Variants in AGO1 observed in about 807,000 individuals in gnomAD.
AGO1 encodes argonaute RISC component 1.
AGO1 carries 11 observed loss-of-function variants against 109.2 expected under a neutral mutation model. The observed-to-expected ratio is 0.10, with a 90% confidence interval of 0.06 to 0.17. AGO1 has a LOEUF of 0.17. Among genes scored for constraint, AGO1 ranks in the 10% least tolerant of loss-of-function variants. AGO1 has a pLI of 1.00. For synonymous variants in AGO1, 422 were observed against 418.6 expected (o/e 1.01, Z -0.10); for missense variants, 574 against 1,140.3 (o/e 0.50, Z 7.15).
chr1:35,916,062 A>G (rs1338738353), intron 15 of AGO1, among the ~76,000 whole-genome samples: 1 of 151,536 alleles, frequency 6.6e-6, no homozygotes, highest in Non-Finnish European at 1.5e-5. Flanking sequence ...CTGAACTGGT[A>G]TCCTTGACTA....
chr1:35,888,350 GA>G lies in AGO1; in HGVS notation c.26-76del, dbSNP rs1421010410. On this transcript the variant is annotated intron_variant, in intron 1 of 18. Coordinates refer to ENST00000373204, the MANE Select transcript of AGO1 (RefSeq NM_012199.5). This position sits in a 1 kb window ranked among gnomAD's most constrained non-coding sequence, Gnocchi z 4.1. ...CTATACTCTCGTGTTCCTGTTCTGGGAGGCCTTGTTCCTCCTCTGATAAGAG... is the reference window on the plus strand; with the variant it reads ...CTATACTCTCGTGTTCCTGTTCTGGGGGCCTTGTTCCTCCTCTGATAAGAG... The G allele has an allele frequency of 2.0e-6, 3 of 1,470,684 alleles. No homozygotes were observed. The highest frequency in any genetic ancestry group is 2.8e-5 in the African/African-American group (2 of 71,734). 91.1% of individuals were successfully genotyped at this position (1,470,684 alleles called of 1,614,324 possible).
chr1:35,913,754 C>T, intron 12 of AGO1, 88 bp from the exon 13 acceptor site: 1 of 1,380,280 alleles, frequency 7.2e-7, no homozygotes, highest in Admixed American at 1.8e-5. Flanking sequence ...TTATTGTGTT[C>T]CCTAGCACCT....
intron 1 of AGO1, among the ~76,000 whole-genome samples, chr1:35,884,623 C>T (rs568161832): frequency 1.3e-5 from 2 of 152,328 alleles, no homozygotes; most frequent in East Asian, 3.9e-4. Flanking sequence ...GAGCCAAGAT[C>T]TAAACCCTAC....
At chr1:35,913,530 C>T (rs1645680009) in intron 12 of AGO1, among the ~76,000 whole-genome samples, 1 of 152,150 alleles carries the variant, frequency 6.6e-6, no homozygotes, top group African/African-American at 2.4e-5. Context: ...CTCCCCCTCT[C>T]CTCTAAGTCC....
In AGO1 at chr1:35,893,595, A is replaced by T; in HGVS notation, c.513-79A>T. ...GCCCCGGTGTCCTGCCTTTCAGGCCAGGGCTCCTCCGTGCCCAGGATGCCT... is the reference window on the plus strand; with the variant it reads ...GCCCCGGTGTCCTGCCTTTCAGGCCTGGGCTCCTCCGTGCCCAGGATGCCT... On this transcript the variant is annotated intron_variant, in intron 4 of 18. Transcript: ENST00000373204. The surrounding 1 kb of genome is among the most constrained non-coding windows in gnomAD (Gnocchi z 5.6). 1 of 1,441,982 alleles carries T rather than the reference A, an allele frequency of 6.9e-7. No homozygotes were observed. 89.3% of individuals were successfully genotyped at this position (1,441,982 alleles called of 1,614,324 possible). A position where few individuals can be genotyped will look rare whatever the true frequency, so the allele number is the denominator to read the frequency against.
chr1:35,919,613 G>A lies in AGO1; in HGVS notation c.*6G>A. On this transcript the variant is annotated 3_prime_UTR_variant, in exon 19 of 19. Transcript: ENST00000373204. The surrounding 1 kb of genome is among the most constrained non-coding windows in gnomAD (Gnocchi z 6.6). ...GCACCATGTACTTCGCTTGAAGGCA[G>A]AACGCTGTTACCTCACTGGATAGAA... 6.2e-7 allele frequency: 1 copy of A among 1,611,966 alleles called. No individual in the cohort carries two copies. The highest frequency in any genetic ancestry group is 8.5e-7 in the Non-Finnish European group (1 of 1,178,584).
chr1:35,870,089 C>CA lies in AGO1; in HGVS notation c.-201+186_-201+187insA, dbSNP rs1169921595. The stretch of plus-strand genomic sequence containing the variant: ...TCAGCCTTCTCTTAAACCGTGAACT[C>CA]TAGAGGGAAAGGACCTCATATTTAT... On this transcript the variant is annotated intron_variant, in intron 1 of 18. Coordinates refer to the AGO1 transcript ENST00000373206. 4.6e-5 allele frequency among the ~76,000 whole-genome samples: 7 copies of CA among 151,528 alleles called. No individual in the cohort carries two copies. In the South Asian group the frequency reaches 6.3e-4, roughly 14 times the overall value.
At position 35,915,420 on chromosome 1, in the gene AGO1, A is replaced by T; in HGVS notation, c.1906A>T (p.Ile636Phe). ...GCGGGTACAGCGACCACGGCAAGAGATCATTGAAGACTTGTCCTACATGGT... is the reference window on the plus strand; with the variant it reads ...GCGGGTACAGCGACCACGGCAAGAGTTCATTGAAGACTTGTCCTACATGGT... ...TVRVQRPRQE[I>F]IEDLSYMVRE... Residue 636 changes from isoleucine (I) to phenylalanine (F), a missense_variant, in exon 15 of 19, where the codon ATC becomes TTC. Physicochemically the swap from Ile to Phe is conservative, Grantham distance 21. This residue lies in a region of AGO1 where 45 missense variants were observed against 61.3 expected (regional missense o/e 0.73). Transcript: ENST00000373204. 1 of 1,614,088 alleles carries T rather than the reference A, an allele frequency of 6.2e-7. No individual in the cohort carries two copies. The highest frequency in any genetic ancestry group is 8.5e-7 in the Non-Finnish European group (1 of 1,180,024).
chr1:35,893,872 C>A lies in AGO1; in HGVS notation c.649+62C>A. 7.6e-6 allele frequency: 12 copies of A among 1,568,958 alleles called. No individual in the cohort carries two copies. The highest frequency in any genetic ancestry group is 1.0e-5 in the Non-Finnish European group (12 of 1,153,438). On this transcript the variant is annotated intron_variant, in intron 5 of 18. Coordinates refer to ENST00000373204, the MANE Select transcript of AGO1 (RefSeq NM_012199.5). This position sits in a 1 kb window ranked among gnomAD's most constrained non-coding sequence, Gnocchi z 5.6. ...AGTCCAGTGACCACACTCCCAGCCT[C>A]ATCCCTCCCAGCTCTGCAACCACAC...
At chr1:35,887,172 G>C (rs748019416) in intron 1 of AGO1, among the ~76,000 whole-genome samples, 2 of 152,120 alleles carry the variant, frequency 1.3e-5, no homozygotes, top group Admixed American at 6.6e-5. Flanking sequence ...GAGGGAAACA[G>C]AGCAGCTTAG....
At chr1:35,883,075 G>A, upstream of AGO1, 7 of 1,039,544 alleles carry the variant, frequency 6.7e-6, no homozygotes, top group Non-Finnish European at 8.1e-6. The surrounding 1 kb of genome is among the most constrained non-coding windows in gnomAD (Gnocchi z 5.4). Context: ...GCTGCATGGC[G>A]ACGGGTGACC....
intron 8 of AGO1, among the ~76,000 whole-genome samples, chr1:35,897,990 A>G (rs1249054426): frequency 6.6e-6 from 1 of 152,204 alleles, no homozygotes; most frequent in Non-Finnish European, 1.5e-5. Context: ...CATATCATAT[A>G]TGTGAAATAA....
chr1:35,884,866 A>G (rs1645093827), intron 1 of AGO1, among the ~76,000 whole-genome samples: 3 of 152,102 alleles, frequency 2.0e-5, no homozygotes, highest in African/African-American at 7.2e-5. Context: ...GGACCTGGGA[A>G]TCCTTCAGGT....
intron 11 of AGO1, among the ~76,000 whole-genome samples, chr1:35,904,410 C>T (rs1307947933): frequency 6.6e-6 from 1 of 152,160 alleles, no homozygotes; most frequent in Non-Finnish European, 1.5e-5. Context: ...TGGCCTTTTT[C>T]TGAGTTCTTT....
chr1:35,884,906 T>G (rs1645094490), intron 1 of AGO1, among the ~76,000 whole-genome samples: 1 of 152,212 alleles, frequency 6.6e-6, no homozygotes, highest in Non-Finnish European at 1.5e-5. Context: ...ACATTTGGTC[T>G]GGGGATGGGA....
At position 35,919,631 on chromosome 1, in the gene AGO1, G is replaced by A; in HGVS notation, c.*24G>A. On this transcript the variant is annotated 3_prime_UTR_variant, in exon 19 of 19. Transcript: ENST00000373204. This position sits in a 1 kb window ranked among gnomAD's most constrained non-coding sequence, Gnocchi z 6.6. ...GAAGGCAGAACGCTGTTACCTCACT[G>A]GATAGAAGAAAGCTTTCCAAGCCCC... 1 of 1,600,042 alleles carries A rather than the reference G, an allele frequency of 6.2e-7. No homozygotes were observed. Among genetic ancestry groups the A allele is most frequent in the Non-Finnish European group, 8.5e-7 (1 of 1,170,652 alleles).
In AGO1 at chr1:35,889,705, C is replaced by T. The variant is rs112925233; in HGVS notation, c.209+1095C>T. On this transcript the variant is annotated intron_variant, in intron 2 of 18. Transcript: ENST00000373204. ...ATTAGATTTTTCTTTCTCCCTCTGT[C>T]GCCCAAGCTGGAGTGCAGTGGCGCC... Among the ~76,000 whole-genome samples the T allele has an allele frequency of 7.3e-3, 1,103 of 151,120 alleles. 11 individuals are homozygous for T. The highest frequency in any genetic ancestry group is 0.025 in the African/African-American group (1,029 of 41,110).
Position 35,919,360 on chromosome 1 carries a change from C to T in AGO1, c.2465+106C>T, listed in dbSNP as rs1645791721. On this transcript the variant is annotated intron_variant, in intron 18 of 18. Transcript: ENST00000373204. The surrounding 1 kb of genome is among the most constrained non-coding windows in gnomAD (Gnocchi z 6.6). ...AAATGAGTGCTGTCCAATTTGGTGT[C>T]ATTGGGCTCGTCTGCCCAATCCTGG... 2.0e-6 allele frequency: 3 copies of T among 1,468,188 alleles called. No homozygotes were observed. Among genetic ancestry groups the T allele is most frequent in the Non-Finnish European group, 2.8e-6 (3 of 1,077,524 alleles). The allele number at this position is 1,468,188 out of a possible 1,614,324, so 90.9% of individuals were successfully genotyped here.
intron 7 of AGO1, 112 bp downstream of exon 7, chr1:35,894,514 C>A: frequency 9.4e-7 from 1 of 1,066,474 alleles, no homozygotes; most frequent in African/African-American, 1.6e-5. Context: ...GCCTTGGGGA[C>A]TGGCCCTGTT....
Sources: gnomAD v4.1 joint callset for allele counts (sites outside exome capture counted in the v4.1 genomes callset) on GRCh38, gnomAD v4.1.1 for gene constraint, gnomAD v4.1.1 regional missense constraint, Gnocchi (gnomAD v3.1) non-coding constraint, MANE v1.5 for transcripts, NCBI Gene and HGNC (gene_info 2026-07-23, HGNC 2026-07-21) for gene names.